Variants in SLC2A13 observed in about 807,000 individuals in gnomAD.
The protein encoded by SLC2A13 is proton myo-inositol cotransporter.
In SLC2A13, 32 loss-of-function variants were observed where a neutral mutation model predicts 64.4. The ratio of observed to expected loss-of-function variants is 0.50; its 90% CI spans 0.37 to 0.67. SLC2A13 has a LOEUF of 0.67. Among genes scored for constraint, SLC2A13 ranks in the 30% least tolerant of loss-of-function variants. The pLI, the probability that SLC2A13 is intolerant of heterozygous loss-of-function variation, is 0.00. For missense variants in SLC2A13, 743 were observed against 829.2 expected, an observed-to-expected ratio of 0.90 and a Z score of 1.28; for synonymous variants, 338 against 327.1, an observed-to-expected ratio of 1.03 and a Z score of -0.36.
chr12:40,080,666 ACAGG>A (rs773914677), intron 1 of SLC2A13, among the ~76,000 whole-genome samples: 1 of 152,222 alleles, frequency 6.6e-6, no homozygotes, highest in African/African-American at 2.4e-5. Flanking sequence ...GGTTGGGATT[ACAGG>A]CATAAGCCAC....
In SLC2A13 at chr12:39,895,765, CACATGTATATGCGTGTATACGT is replaced by C. The variant is rs1313455694; in HGVS notation, c.1035-23826_1035-23805del. On this transcript the variant is annotated intron_variant, in intron 4 of 9. Transcript: ENST00000280871. ...ACATGTATATGCGTGTATACGTACA[CACATGTATATGCGTGTATACGT>C]ACACACATGTATATGCGTGTATACG... Among the ~76,000 whole-genome samples, 326 of 43,220 alleles carry C rather than the reference CACATGTATATGCGTGTATACGT, an allele frequency of 7.5e-3. 67 individuals carry two copies. Among genetic ancestry groups the C allele is most frequent in the African/African-American group, 0.02 (296 of 14,508 alleles). The allele number at this position is 43,220 out of a possible 152,430, so 28.4% of individuals were successfully genotyped here.
intron 6 of SLC2A13, among the ~76,000 whole-genome samples, chr12:39,852,157 T>C (rs558964009): frequency 6.6e-6 from 1 of 152,324 alleles, no homozygotes; most frequent in East Asian, 1.9e-4. Flanking sequence ...ATAAAATAAC[T>C]AGCATGGTAA....
intron 7 of SLC2A13, among the ~76,000 whole-genome samples, chr12:39,784,056 C>G (rs1308536490): frequency 6.6e-6 from 1 of 152,180 alleles, no homozygotes; most frequent in Admixed American, 6.5e-5. Flanking sequence ...CTACAAACCA[C>G]TGCTCAACGA....
rs530831818 is a variant in SLC2A13, at chr12:39,881,464, A to G, written c.1035-9503T>C. 3.9e-5 allele frequency among the ~76,000 whole-genome samples: 6 copies of G among 152,316 alleles called. No individual in the cohort carries two copies. In the South Asian group the frequency reaches 1.0e-3, roughly 26 times the overall value. Reference sequence around the variant, plus strand: ...AGTTTACTAAAAAAGTGCTGATTCTAATCTTGTCAGACAACACTTTTCACC... The same window carrying G: ...AGTTTACTAAAAAAGTGCTGATTCTGATCTTGTCAGACAACACTTTTCACC... On this transcript the variant is annotated intron_variant, in intron 4 of 9. Transcript: ENST00000280871.
chr12:39,965,355 G>A (rs1438893024), intron 3 of SLC2A13, among the ~76,000 whole-genome samples: 1 of 152,122 alleles, frequency 6.6e-6, no homozygotes, highest in East Asian at 1.9e-4. Context: ...ATGAAGAACT[G>A]ATCTTTTTAT....
At chr12:39,787,980 A>C (rs1941251406) in intron 7 of SLC2A13, among the ~76,000 whole-genome samples, 1 of 152,162 alleles carries the variant, frequency 6.6e-6, no homozygotes, top group African/African-American at 2.4e-5. Flanking sequence ...CTATCATAGA[A>C]ATTTGGCCAA....
intron 3 of SLC2A13, among the ~76,000 whole-genome samples, chr12:39,971,997 A>AAAAATATGGATATATATAT (rs1375405006): frequency 1.3e-5 from 1 of 77,380 alleles, no homozygotes; most frequent in Non-Finnish European, 2.5e-5. Context: ...AAAAAAAAAA[A>AAAAATATGGATATATATAT]ATATATATAT....
chr12:39,841,646 C>A (rs1943182548), intron 6 of SLC2A13, among the ~76,000 whole-genome samples: 1 of 151,866 alleles, frequency 6.6e-6, no homozygotes, highest in Non-Finnish European at 1.5e-5. Flanking sequence ...AGTCTTGATA[C>A]TTTTCAGAGT....
At chr12:39,973,533 AC>A (rs1254853015) in intron 3 of SLC2A13, among the ~76,000 whole-genome samples, 1 of 152,160 alleles carries the variant, frequency 6.6e-6, no homozygotes, top group Non-Finnish European at 1.5e-5. Flanking sequence ...CTCCACTGTC[AC>A]ACATCTGACT....
intron 7 of SLC2A13, among the ~76,000 whole-genome samples, chr12:39,776,484 T>C (rs548175058): frequency 6.6e-6 from 1 of 152,212 alleles, no homozygotes; most frequent in Non-Finnish European, 1.5e-5. Context: ...TGATGTGGCA[T>C]ATGGTTTATA....
intron 7 of SLC2A13, among the ~76,000 whole-genome samples, chr12:39,781,536 T>C (rs1566781198): frequency 6.6e-6 from 1 of 152,252 alleles, no homozygotes; most frequent in African/African-American, 2.4e-5. Context: ...ATTTCACAAA[T>C]GTAACAAAAT....
chr12:39,761,429 G>A (rs1323578663), intron 9 of SLC2A13, among the ~76,000 whole-genome samples: 1 of 152,026 alleles, frequency 6.6e-6, no homozygotes, highest in Non-Finnish European at 1.5e-5. Context: ...TAGAAATAAT[G>A]TATGTTATCA....
chr12:40,067,275 C>T (rs1203778660), intron 1 of SLC2A13, among the ~76,000 whole-genome samples: 3 of 152,174 alleles, frequency 2.0e-5, no homozygotes, highest in African/African-American at 7.2e-5. Flanking sequence ...AATCACAGGT[C>T]ACTGCAGCCT....
At chr12:39,760,854 G>A (rs1284445881) in intron 9 of SLC2A13, among the ~76,000 whole-genome samples, 1 of 150,404 alleles carries the variant, frequency 6.6e-6, no homozygotes, top group African/African-American at 2.5e-5. Context: ...ATATATGAAT[G>A]TATGACTTGT....
intron 4 of SLC2A13, among the ~76,000 whole-genome samples, chr12:39,924,078 T>C (rs1945672114): frequency 6.6e-6 from 1 of 152,156 alleles, no homozygotes; most frequent in Non-Finnish European, 1.5e-5. Flanking sequence ...TAAAAAATGT[T>C]ATGTTAAAAT....
At chr12:39,996,227 T>C (rs900451048) in intron 3 of SLC2A13, among the ~76,000 whole-genome samples, 2 of 152,192 alleles carry the variant, frequency 1.3e-5, no homozygotes, top group African/African-American at 4.8e-5. Flanking sequence ...GCCCCTGCCC[T>C]AGAGATTTGT....
Position 39,840,259 on chromosome 12 carries a change from T to C in SLC2A13, c.1320-10031A>G, listed in dbSNP as rs556403048. On this transcript the variant is annotated intron_variant, in intron 6 of 9. Coordinates refer to ENST00000280871, the MANE Select transcript of SLC2A13 (RefSeq NM_052885.4). ...GTTGGCCAGCCACCACGCCCAGCCT[T>C]GTACTCTCCATTCTTATCCCAGCCA... is the stretch of plus-strand genomic sequence containing the variant. Among the ~76,000 whole-genome samples the C allele has an allele frequency of 9.2e-5, 14 of 152,130 alleles. No homozygotes were observed. In the East Asian group the frequency reaches 2.5e-3, roughly 27 times the overall value.
intron 4 of SLC2A13, among the ~76,000 whole-genome samples, chr12:39,908,530 T>A (rs972572732): frequency 6.7e-6 from 1 of 150,036 alleles, no homozygotes; most frequent in Non-Finnish European, 1.5e-5. Context: ...ATTGTGTTAG[T>A]AGAGAAGGAG....
intron 6 of SLC2A13, among the ~76,000 whole-genome samples, chr12:39,856,513 C>CT (rs1234557743): frequency 3.3e-5 from 5 of 152,056 alleles, no homozygotes; most frequent in Non-Finnish European, 7.4e-5. Flanking sequence ...GGACTACAGG[C>CT]GCATGCCACC....
Sources: allele counts gnomAD v4.1 joint callset (sites outside exome capture counted in the v4.1 genomes callset), GRCh38; gene constraint gnomAD v4.1.1; transcripts MANE v1.5; gene names NCBI Gene and HGNC (gene_info 2026-07-23, HGNC 2026-07-21).